The following ZNF91 variants were observed in gnomAD, a reference collection of about 807,000 sequenced individuals.
ZNF91 encodes zinc finger protein 91, also known as zinc finger protein 91 (HPF7, HTF10).
Under a neutral mutation model 12.6 loss-of-function variants are expected in ZNF91, and 7 were observed. The observed-to-expected ratio is 0.55, with a 90% CI of 0.31 to 1.04. The LOEUF (loss-of-function observed/expected upper bound fraction) is 1.04. ZNF91 is among the 50% of genes least tolerant of loss of function. The pLI, the probability that ZNF91 is intolerant of heterozygous loss-of-function variation, is 0.05. For missense variants in ZNF91, 1,217 were observed against 1,385.4 expected (o/e 0.88, Z 1.93); for synonymous variants, 453 against 462.6 (o/e 0.98, Z 0.27).
Position 23,376,681 on chromosome 19 carries a change from G to T in ZNF91, c.31-1917C>A, listed in dbSNP as rs143542353. Among the ~76,000 whole-genome samples the T allele has an allele frequency of 3.3e-5, 5 of 151,998 alleles. No homozygotes were observed. In the South Asian group the frequency reaches 1.0e-3, roughly 32 times the overall value. On this transcript the variant is annotated intron_variant, in intron 1 of 3. Coordinates refer to ENST00000300619, the MANE Select transcript of ZNF91 (RefSeq NM_003430.4). ...TGGGATTACAGACGTGAGCCACCAC[G>T]CCTGGCCTATCATAAGCATTTTTAA... is the stretch of plus-strand genomic sequence containing the variant.
downstream of ZNF91, among the ~76,000 whole-genome samples, chr19:23,356,678 C>T (rs1402097475): frequency 2.0e-5 from 3 of 152,134 alleles, no homozygotes; most frequent in East Asian, 5.8e-4. Context: ...CAAATCACCA[C>T]TAAAGAACTT....
At chr19:23,379,273 A>T (rs1969612948) in intron 1 of ZNF91, among the ~76,000 whole-genome samples, 1 of 152,212 alleles carries the variant, frequency 6.6e-6, no homozygotes, top group Non-Finnish European at 1.5e-5. Flanking sequence ...CGTAACTGTG[A>T]GTTGACTGGA....
chr19:23,370,667 T>C (rs1969241352), intron 3 of ZNF91, among the ~76,000 whole-genome samples: 1 of 152,046 alleles, frequency 6.6e-6, no homozygotes, highest in Admixed American at 6.6e-5. Context: ...TGCCTGGATA[T>C]TTCTTACATA....
upstream of ZNF91, among the ~76,000 whole-genome samples, chr19:23,311,901 CAAAAAA>C (rs78028804): frequency 2.2e-5 from 2 of 91,804 alleles, no homozygotes; most frequent in African/African-American, 6.9e-5. Context: ...TAGGCCATGC[CAAAAAA>C]AAAAAAAAAA....
intron 1 of ZNF91, among the ~76,000 whole-genome samples, chr19:23,381,046 T>A (rs1969696426): frequency 6.6e-6 from 1 of 152,202 alleles, no homozygotes; most frequent in Non-Finnish European, 1.5e-5. Flanking sequence ...TACTTACCTA[T>A]AACTATCCCT....
rs201221393 is a variant in ZNF91 at position 23,340,717 on chromosome 19, AG to A, written c.254-1664del. ...CCAAAACTAGCCAAGGACACAACAA[AG>A]AAAACTATTATTAAATTATTATTTA... On this transcript the variant is annotated intron_variant, in intron 3 of 3. Transcript: ENST00000599743. Among the ~76,000 whole-genome samples the A allele has an allele frequency of 8.9e-3, 1,343 of 151,426 alleles. 17 individuals carry two copies. The highest frequency in any genetic ancestry group is 0.03 in the African/African-American group (1,261 of 41,428).
intron 1 of ZNF91, among the ~76,000 whole-genome samples, chr19:23,379,758 G>A (rs868574141): frequency 3.3e-5 from 5 of 152,418 alleles, no homozygotes; most frequent in Middle Eastern, 6.8e-3. Flanking sequence ...TATCTTTTTG[G>A]CTACTTGCAT....
upstream of ZNF91, among the ~76,000 whole-genome samples, chr19:23,311,869 A>G (rs1389369531): frequency 1.4e-5 from 2 of 145,184 alleles, no homozygotes; most frequent in Non-Finnish European, 3.0e-5. Flanking sequence ...ATCACTAGGT[A>G]TTTCAAATTT....
At position 23,362,721 on chromosome 19, in the gene ZNF91, T is replaced by C. The variant is rs1968863599; in HGVS notation, c.258A>G (p.Ile86Met). The C allele has an allele frequency of 6.9e-7, 1 of 1,448,590 alleles. No individual in the cohort carries two copies. The highest frequency in any genetic ancestry group is 9.1e-7 in the Non-Finnish European group (1 of 1,100,970). 89.7% of individuals were successfully genotyped at this position (1,448,590 alleles called of 1,614,324 possible). A position where few individuals can be genotyped will look rare whatever the true frequency, so the allele number is the denominator to read the frequency against. Residue 86 changes from isoleucine (I) to methionine (M), a missense_variant, in exon 4 of 4, where the codon ATA becomes ATG. Transcript: ENST00000300619. ...QHEMVDEPTGICPHFPQDFWP... is the reference protein window; with the variant it reads ...QHEMVDEPTGMCPHFPQDFWP... ...AAAAGTCTTGAGGAAAATGAGGACA[T>C]ATACCTGAAAAAAAAAAACTAAAAA...
rs951089548 is a variant in ZNF91 at position 23,359,980 on chromosome 19, C to T, written c.2999G>A (p.Gly1000Asp). Reference protein sequence around the residue: ...GEKPYKCEECGKAFSQSSTLT... With the variant: ...GEKPYKCEECDKAFSQSSTLT... ...GGTTGAGGATTGGCTAAATGCTTTGCCACATTCTTCACATTTGTAGGGTTT... is the reference window on the plus strand; with the variant it reads ...GGTTGAGGATTGGCTAAATGCTTTGTCACATTCTTCACATTTGTAGGGTTT... Residue 1000 changes from glycine to aspartate, a missense_variant, in exon 4 of 4, where the codon GGC becomes GAC. Gly to Asp is a moderately conservative substitution (Grantham distance 94, BLOSUM62 -1). Transcript: ENST00000300619. 16 of 1,613,506 alleles carry T rather than the reference C, an allele frequency of 9.9e-6. No homozygotes were observed. Among genetic ancestry groups the T allele is most frequent in the Non-Finnish European group, 1.4e-5 (16 of 1,179,966 alleles).
chr19:23,313,612 T>C (rs563597711), upstream of ZNF91, among the ~76,000 whole-genome samples: 98 of 152,280 alleles, frequency 6.4e-4, no homozygotes, highest in African/African-American at 2.3e-3. Flanking sequence ...GTAACATTTA[T>C]CTCTGGCCCA....
At chr19:23,370,829 G>C (rs1262121646) in intron 3 of ZNF91, among the ~76,000 whole-genome samples, 4 of 151,984 alleles carry the variant, frequency 2.6e-5, no homozygotes, top group African/African-American at 9.7e-5. Flanking sequence ...CATTGAAATA[G>C]ATTTAAGAAG....
Position 23,360,903 on chromosome 19 carries a change from G to A in ZNF91, c.2076C>T (p.Asp692=). The stretch of plus-strand genomic sequence containing the variant: ...GGGTTGAGAGTCGCTTAAAAGTTTT[G>A]TCACATTCTTTACATTTGTAGGGTT... ...EEKPYKCKEC[D]KTFKRLSTLT... is the part of the protein sequence containing the mutation. The change falls in exon 4 of 4, where the codon GAC becomes GAT. Residue 692 remains aspartate, a synonymous_variant. Transcript: ENST00000300619. 6.4e-7 allele frequency: 1 copy of A among 1,571,236 alleles called. No individual in the cohort carries two copies. The highest frequency in any genetic ancestry group is 8.7e-7 in the Non-Finnish European group (1 of 1,153,150).
At chr19:23,357,437 TTTTTG>T (rs1968519612), downstream of ZNF91, among the ~76,000 whole-genome samples, 1 of 152,226 alleles carries the variant, frequency 6.6e-6, no homozygotes, top group South Asian at 2.1e-4. Context: ...TTTTTGAGAA[TTTTTG>T]TTTTGTAGTA....
chr19:23,330,042 C>T (rs1423648779), intron 1 of ZNF91, among the ~76,000 whole-genome samples: 1 of 152,174 alleles, frequency 6.6e-6, no homozygotes, highest in Non-Finnish European at 1.5e-5. Context: ...AAAAGTTTTA[C>T]TGGGACTCGC....
chr19:23,320,480 A>G (rs58157540), intron 1 of ZNF91, among the ~76,000 whole-genome samples: 13,970 of 152,226 alleles, frequency 0.092, 866 homozygotes, highest in African/African-American at 0.17. Context: ...GAAATTTATA[A>G]TCATGGCAGA....
intron 1 of ZNF91, among the ~76,000 whole-genome samples, chr19:23,389,279 T>C (rs1479406276): frequency 3.3e-5 from 5 of 152,040 alleles, no homozygotes; most frequent in Non-Finnish European, 7.3e-5. Context: ...TGCAGGCAGA[T>C]GAGTTTATAA....
intron 3 of ZNF91, among the ~76,000 whole-genome samples, chr19:23,369,283 C>T (rs2145084206): frequency 6.6e-6 from 1 of 151,212 alleles, no homozygotes. Flanking sequence ...GCACTCCACC[C>T]TGGGCGACAG....
chr19:23,361,323 G>C lies in ZNF91; in HGVS notation c.1656C>G (p.Gly552=). 6.2e-7 allele frequency: 1 copy of C among 1,610,126 alleles called. No individual in the cohort carries two copies. Among genetic ancestry groups the C allele is most frequent in the Non-Finnish European group, 8.5e-7 (1 of 1,178,478 alleles). The change falls in exon 4 of 4, where the codon GGC becomes GGG. Residue 552 remains glycine, a synonymous_variant. Coordinates refer to ENST00000300619, the MANE Select transcript of ZNF91 (RefSeq NM_003430.4). ...REKPYKCKEC[G]KAFKQFSTLT... ...GGGTTGAGAATTGCTTAAAAGCTTTGCCACATTCTTTACATTTGTAGGGTT... is the reference window on the plus strand; with the variant it reads ...GGGTTGAGAATTGCTTAAAAGCTTTCCCACATTCTTTACATTTGTAGGGTT...
Sources: gnomAD v4.1 joint callset for allele counts (sites outside exome capture counted in the v4.1 genomes callset) on GRCh38, gnomAD v4.1.1 for gene constraint, MANE v1.5 for transcripts, NCBI Gene and HGNC (gene_info 2026-07-23, HGNC 2026-07-21) for gene names.